ATP2B2: variants seen among roughly 807,000 people sequenced by gnomAD.
ATP2B2 encodes the protein plasma membrane calcium-transporting ATPase 2.
Under a neutral mutation model 120.0 loss-of-function variants are expected in ATP2B2, and 15 were observed. The observed-to-expected ratio is 0.12, with a 90% CI of 0.08 to 0.19. ATP2B2 has a LOEUF of 0.19. Ranked by LOEUF, ATP2B2 falls within the 10% of genes least tolerant of loss-of-function variation. ATP2B2 has a pLI of 1.00. For missense variants in ATP2B2, 1,045 were observed against 1,719.8 expected, an observed-to-expected ratio of 0.61 and a Z score of 6.94; for synonymous variants, 694 against 700.3, an observed-to-expected ratio of 0.99 and a Z score of 0.14.
intron 9 of ATP2B2, 113 bp from the exon 10 acceptor site, chr3:10,378,523 T>A: frequency 1.4e-6 from 2 of 1,421,136 alleles, no homozygotes; most frequent in South Asian, 2.4e-5. Context: ...GGGTAGGTGC[T>A]GACTGCCTGG....
intron 1 of ATP2B2, among the ~76,000 whole-genome samples, chr3:10,701,075 C>A (rs2071810648): frequency 6.6e-6 from 1 of 152,060 alleles, no homozygotes; most frequent in South Asian, 2.1e-4. Context: ...GAATGACTAA[C>A]CAAACCAAAT....
At chr3:10,563,368 T>G (rs2067944071) in intron 2 of ATP2B2, among the ~76,000 whole-genome samples, 1 of 152,244 alleles carries the variant, frequency 6.6e-6, no homozygotes, top group Non-Finnish European at 1.5e-5. Context: ...TCTTCCGCAC[T>G]AACTCCTGGC....
chr3:10,393,735 G>T lies in ATP2B2; in HGVS notation c.782-5333C>A, dbSNP rs548909122. Among the ~76,000 whole-genome samples the T allele has an allele frequency of 2.1e-5, 3 of 140,694 alleles. No homozygotes were observed. The South Asian group carries it at 7.4e-4, about 35-fold the overall frequency. The allele number at this position is 140,694 out of a possible 152,430, so 92.3% of individuals were successfully genotyped here. A position where few individuals can be genotyped will look rare whatever the true frequency, so the allele number is the denominator to read the frequency against. ...CACTGTGGTTTCCGTGGATGGTACT[G>T]TCTGTCCTGTCCTGCCCAAGCTTCT... On this transcript the variant is annotated intron_variant, in intron 5 of 22. Transcript: ENST00000360273.
At position 10,422,490 on chromosome 3, in the gene ATP2B2, T is replaced by C. The variant is rs112151826; in HGVS notation, c.200-11675A>G. Among the ~76,000 whole-genome samples the C allele has an allele frequency of 7.2e-3, 1,099 of 152,322 alleles. 12 individuals carry two copies. The highest frequency in any genetic ancestry group is 0.025 in the African/African-American group (1,020 of 41,574). Reference sequence around the variant, plus strand: ...TGCAGGGTAAGGGGTGTCTCTCTGATACCTAGTGGTCCTAGGTGGGGTTTC... The same window carrying C: ...TGCAGGGTAAGGGGTGTCTCTCTGACACCTAGTGGTCCTAGGTGGGGTTTC... On this transcript the variant is annotated intron_variant, in intron 2 of 22. Transcript: ENST00000360273.
chr3:10,633,509 A>G (rs1158092251), intron 1 of ATP2B2, among the ~76,000 whole-genome samples: 1 of 152,210 alleles, frequency 6.6e-6, no homozygotes, highest in Admixed American at 6.5e-5. Flanking sequence ...GGCATCTATT[A>G]GTCACTAACA....
chr3:10,504,738 CCTAT>C (rs2066545863), intron 1 of ATP2B2, among the ~76,000 whole-genome samples: 1 of 152,148 alleles, frequency 6.6e-6, no homozygotes, highest in Non-Finnish European at 1.5e-5. Context: ...CCTCAGGTGC[CCTAT>C]CCCTCAGCTG....
chr3:10,564,526 T>TA (rs61654584), intron 2 of ATP2B2, among the ~76,000 whole-genome samples: 12,890 of 152,178 alleles, frequency 0.085, 858 homozygotes, highest in African/African-American at 0.18. Context: ...TCCCCCTGTC[T>TA]AAAACGTTCC....
In ATP2B2 at chr3:10,327,047, T is replaced by C; in HGVS notation, c.*1767A>G. ...ATGGTATTCAAAATGTCTTTTGCAC[T>C]GTACAAGTTTATGGAAAAAAGATCA... On this transcript the variant is annotated 3_prime_UTR_variant, in exon 23 of 23. Coordinates refer to ENST00000360273, the MANE Select transcript of ATP2B2 (RefSeq NM_001001331.4). The C allele has an allele frequency of 2.5e-6, 1 of 395,386 alleles. No individual in the cohort carries two copies. The highest frequency in any genetic ancestry group is 4.5e-6 in the Non-Finnish European group (1 of 224,344). 24.5% of individuals were successfully genotyped at this position (395,386 alleles called of 1,614,324 possible). A position where few individuals can be genotyped will look rare whatever the true frequency, so the allele number is the denominator to read the frequency against.
chr3:10,667,051 C>A (rs2070959126), intron 1 of ATP2B2, among the ~76,000 whole-genome samples: 1 of 152,144 alleles, frequency 6.6e-6, no homozygotes, highest in Admixed American at 6.5e-5. Flanking sequence ...CCTTGGATAC[C>A]CAGGAGATCC....
chr3:10,459,883 C>A (rs1041957796), intron 1 of ATP2B2, among the ~76,000 whole-genome samples: 1 of 152,244 alleles, frequency 6.6e-6, no homozygotes, highest in Non-Finnish European at 1.5e-5. Context: ...TAAGGGGTGG[C>A]AGGGCCAGCC....
chr3:10,562,246 G>A (rs1399033916), intron 2 of ATP2B2, among the ~76,000 whole-genome samples: 2 of 152,236 alleles, frequency 1.3e-5, no homozygotes, highest in Non-Finnish European at 2.9e-5. Flanking sequence ...TAGAGGCAGT[G>A]AGGAGGGCTC....
chr3:10,365,361 G>C (rs1658704), intron 12 of ATP2B2, among the ~76,000 whole-genome samples: 61,909 of 152,066 alleles, frequency 0.41, 13,776 homozygotes, highest in East Asian at 0.57. Flanking sequence ...ACCCCAGGTG[G>C]CACGAAATTT....
In ATP2B2 at chr3:10,546,597, G is replaced by T. The variant is rs1015207770; in HGVS notation, c.-414-12464C>A. Among the ~76,000 whole-genome samples the T allele has an allele frequency of 9.9e-5, 15 of 152,208 alleles. 1 individual carries two copies. Among genetic ancestry groups the T allele is most frequent in the Admixed American group, 2.0e-4 (3 of 15,288 alleles). On this transcript the variant is annotated intron_variant, in intron 2 of 21. Coordinates refer to the ATP2B2 transcript ENST00000646379. ...CCATTCCAGACCCTGACTTGGGCCT[G>T]CAGGAACTCCTCCCTTCTGAGGTCC... is the stretch of plus-strand genomic sequence containing the variant.
At position 10,514,099 on chromosome 3, in the gene ATP2B2, G is replaced by A. The variant is rs868404837; in HGVS notation, c.-320+19940C>T. Among the ~76,000 whole-genome samples, 12 of 152,292 alleles carry A rather than the reference G, an allele frequency of 7.9e-5. No individual in the cohort carries two copies. The Middle Eastern group carries it at 0.02, about 259-fold the overall frequency. On this transcript the variant is annotated intron_variant, in intron 3 of 21. Transcript: ENST00000646379. ...CTTTGATGATCACCCTAATTTTACAGGTGGTGAAATGGAGGCACAGAGATG... is the reference window on the plus strand; with the variant it reads ...CTTTGATGATCACCCTAATTTTACAAGTGGTGAAATGGAGGCACAGAGATG...
intron 1 of ATP2B2, among the ~76,000 whole-genome samples, chr3:10,640,759 A>G (rs2070149671): frequency 6.6e-6 from 1 of 152,088 alleles, no homozygotes; most frequent in Admixed American, 6.5e-5. Context: ...CTCCAGGCAG[A>G]CAAGAGTAAC....
At chr3:10,522,383 C>T (rs986507293) in intron 3 of ATP2B2, among the ~76,000 whole-genome samples, 8 of 152,118 alleles carry the variant, frequency 5.3e-5, no homozygotes, top group Non-Finnish European at 1.0e-4. Context: ...GGGATTTGAT[C>T]CCATATCTGT....
chr3:10,534,729 A>G (rs956819130), intron 2 of ATP2B2, among the ~76,000 whole-genome samples: 6 of 151,908 alleles, frequency 3.9e-5, no homozygotes, highest in Non-Finnish European at 7.4e-5. Context: ...AGATCATAAT[A>G]CCTATTTTTC....
At chr3:10,464,148 A>G (rs935912131) in intron 1 of ATP2B2, among the ~76,000 whole-genome samples, 1 of 152,214 alleles carries the variant, frequency 6.6e-6, no homozygotes, top group Non-Finnish European at 1.5e-5. Context: ...GTCCCTGGCC[A>G]CTGCGGAGAC....
At chr3:10,434,122 A>G (rs1481994821) in intron 2 of ATP2B2, among the ~76,000 whole-genome samples, 39 of 152,394 alleles carry the variant, frequency 2.6e-4, no homozygotes, top group Non-Finnish European at 5.9e-5. Flanking sequence ...GGGATGTGCC[A>G]AAATTTCTCA....
Sources: gnomAD v4.1 joint callset for allele counts (sites outside exome capture counted in the v4.1 genomes callset) on GRCh38, gnomAD v4.1.1 for gene constraint, MANE v1.5 for transcripts, NCBI Gene and HGNC (gene_info 2026-07-23, HGNC 2026-07-21) for gene names.